Variants in GSTCD observed in about 807,000 individuals in gnomAD.
GSTCD encodes the protein glutathione S-transferase C-terminal domain containing, also known as glutathione S-transferase C-terminal domain-containing protein.
A neutral mutation model predicts 68.3 loss-of-function variants in GSTCD; 44 were observed. That is an observed-to-expected ratio of 0.64 (90% confidence interval 0.51 to 0.83). The LOEUF is 0.83. Among genes scored for constraint, GSTCD ranks in the 40% least tolerant of loss-of-function variants. GSTCD has a pLI of 0.00. For synonymous variants in GSTCD, 273 were observed against 255.2 expected, an observed-to-expected ratio of 1.07 and a Z score of -0.67; for missense variants, 739 against 735.9, an observed-to-expected ratio of 1.00 and a Z score of -0.05.
intron 5 of GSTCD, among the ~76,000 whole-genome samples, chr4:105,749,446 A>G (rs1733929755): frequency 6.6e-6 from 1 of 152,024 alleles, no homozygotes; most frequent in African/African-American, 2.4e-5. Context: ...GTTAAGACTT[A>G]CTATATAGCT....
intron 5 of GSTCD, among the ~76,000 whole-genome samples, chr4:105,750,788 A>G (rs919113386): frequency 2.6e-5 from 4 of 152,230 alleles, no homozygotes; most frequent in African/African-American, 7.2e-5. Context: ...TATATGTGCA[A>G]TGGAATACTA....
intron 5 of GSTCD, among the ~76,000 whole-genome samples, chr4:105,797,425 G>C (rs1183686674): frequency 6.6e-6 from 1 of 152,096 alleles, no homozygotes; most frequent in Admixed American, 6.5e-5. Flanking sequence ...GCACATGAAA[G>C]TTGTGTTTAC....
At chr4:105,818,202 A>G (rs1025884885) in intron 5 of GSTCD, among the ~76,000 whole-genome samples, 10 of 151,904 alleles carry the variant, frequency 6.6e-5, no homozygotes, top group African/African-American at 2.2e-4. Flanking sequence ...CTGGTTAACA[A>G]TAATAGACTT....
Position 105,825,677 on chromosome 4 carries a change from A to C in GSTCD, c.1407A>C (p.Thr469=). 1 of 1,482,964 alleles carries C rather than the reference A, an allele frequency of 6.7e-7. No individual in the cohort carries two copies. The highest frequency in any genetic ancestry group is 1.2e-5 in the South Asian group (1 of 86,262). The allele number at this position is 1,482,964 out of a possible 1,614,324, so 91.9% of individuals were successfully genotyped here. A position where few individuals can be genotyped will look rare whatever the true frequency, so the allele number is the denominator to read the frequency against. Residue 469 remains threonine (T), a synonymous_variant, in exon 8 of 12, where the codon ACA becomes ACC. Transcript: ENST00000515279. The part of the protein sequence containing the change: ...LAHMLPSCQV[T]LIENKELSLI... ...GTTTTCTGGGTAAAATCTAGGTTAC[A>C]TTAATAGAAAACAAGGAATTATCAT...
intron 5 of GSTCD, among the ~76,000 whole-genome samples, chr4:105,813,895 A>T (rs1196317718): frequency 6.6e-6 from 1 of 152,138 alleles, no homozygotes; most frequent in East Asian, 1.9e-4. Flanking sequence ...ATCATCACTT[A>T]ATTTTTTATT....
chr4:105,751,901 T>C (rs1734021926), intron 5 of GSTCD, among the ~76,000 whole-genome samples: 1 of 152,192 alleles, frequency 6.6e-6, no homozygotes, highest in Non-Finnish European at 1.5e-5. Context: ...AGCTTAGATA[T>C]GTGAAAGGCA....
chr4:105,743,479 T>C (rs1461927086), intron 5 of GSTCD, among the ~76,000 whole-genome samples: 1 of 152,036 alleles, frequency 6.6e-6, no homozygotes, highest in Admixed American at 6.6e-5. Context: ...AATTCTTTTA[T>C]CTCATGTAGA....
intron 5 of GSTCD, among the ~76,000 whole-genome samples, chr4:105,819,997 T>C (rs1385283471): frequency 1.3e-5 from 2 of 151,840 alleles, no homozygotes; most frequent in African/African-American, 2.4e-5. Flanking sequence ...TGCACTCTTT[T>C]ATAAGTAAGT....
At chr4:105,763,640 CTTATT>C (rs555598565) in intron 5 of GSTCD, among the ~76,000 whole-genome samples, 3 of 152,056 alleles carry the variant, frequency 2.0e-5, no homozygotes, top group Non-Finnish European at 4.4e-5. Flanking sequence ...TATCATGTAT[CTTATT>C]TTAGTACCAA....
rs781249208 is a variant in GSTCD, at chr4:105,715,865, T to C, written c.-21-1728T>C. Among the ~76,000 whole-genome samples the C allele has an allele frequency of 4.6e-4, 70 of 152,084 alleles. 1 individual carries two copies. Among genetic ancestry groups the C allele is most frequent in the Middle Eastern group, 3.2e-3 (1 of 316 alleles). On this transcript the variant is annotated intron_variant, in intron 1 of 11. Transcript: ENST00000515279. ...TACGTATTTCCATGGTGAATACTTT[T>C]AAAGAGTGCCATCTAGTGTCAGTTT... is the stretch of plus-strand genomic sequence containing the variant.
At chr4:105,793,990 G>A (rs143441968) in intron 5 of GSTCD, among the ~76,000 whole-genome samples, 41 of 152,180 alleles carry the variant, frequency 2.7e-4, no homozygotes, top group African/African-American at 9.9e-4. Flanking sequence ...CTGTGAAACT[G>A]TGGGTTGATT....
intron 5 of GSTCD, among the ~76,000 whole-genome samples, chr4:105,756,653 C>T (rs1161020193): frequency 6.6e-6 from 1 of 151,364 alleles, no homozygotes; most frequent in East Asian, 1.9e-4. Flanking sequence ...ATCCATATGC[C>T]AGATGGCAAG....
At chr4:105,722,180 A>C (rs1732877680) in intron 3 of GSTCD, among the ~76,000 whole-genome samples, 1 of 151,388 alleles carries the variant, frequency 6.6e-6, no homozygotes. Flanking sequence ...ACACACATAC[A>C]CACACACACA....
At chr4:105,726,097 A>G (rs1171861603) in intron 3 of GSTCD, among the ~76,000 whole-genome samples, 2 of 152,204 alleles carry the variant, frequency 1.3e-5, no homozygotes, top group Non-Finnish European at 2.9e-5. Context: ...TAGCAACATT[A>G]TTTATAATAA....
chr4:105,802,419 C>T (rs550167598), intron 5 of GSTCD, among the ~76,000 whole-genome samples: 32 of 152,022 alleles, frequency 2.1e-4, no homozygotes, highest in Non-Finnish European at 4.1e-4. Context: ...TGATCAAAAC[C>T]TTTGCCTGTT....
intron 5 of GSTCD, among the ~76,000 whole-genome samples, chr4:105,731,481 C>A (rs1189945723): frequency 6.6e-6 from 1 of 152,112 alleles, no homozygotes; most frequent in Non-Finnish European, 1.5e-5. Context: ...GTATTTTATT[C>A]TCTTTGAAAC....
intron 5 of GSTCD, among the ~76,000 whole-genome samples, chr4:105,739,734 C>G (rs1733570121): frequency 6.6e-6 from 1 of 152,186 alleles, no homozygotes; most frequent in Non-Finnish European, 1.5e-5. Context: ...AGTTCTGGTC[C>G]AGAGAGGCAT....
At chr4:105,818,501 A>G (rs1723117641) in intron 5 of GSTCD, among the ~76,000 whole-genome samples, 1 of 151,890 alleles carries the variant, frequency 6.6e-6, no homozygotes, top group South Asian at 2.1e-4. Context: ...AAAGTAGCAG[A>G]TGAGGTTAGC....
At chr4:105,772,783 T>C (rs1163674102) in intron 5 of GSTCD, among the ~76,000 whole-genome samples, 5 of 152,094 alleles carry the variant, frequency 3.3e-5, no homozygotes, top group Admixed American at 3.3e-4. Context: ...GGATTTTTGC[T>C]TCAAAGTTCA....
Sources: allele counts gnomAD v4.1 joint callset (sites outside exome capture counted in the v4.1 genomes callset), GRCh38; gene constraint gnomAD v4.1.1; transcripts MANE v1.5; gene names NCBI Gene and HGNC (gene_info 2026-07-23, HGNC 2026-07-21).